The following PZP variants were observed in gnomAD, a reference collection of about 807,000 sequenced individuals.
PZP encodes PZP alpha-2-macroglobulin like.
PZP carries 150 observed loss-of-function variants against 179.8 expected under a neutral mutation model. That is an observed-to-expected ratio of 0.83 (90% confidence interval 0.73 to 0.96). PZP has a LOEUF of 0.96. Among genes scored for constraint, PZP ranks in the 40% least tolerant of loss-of-function variants. The probability of loss-of-function intolerance (pLI) is 0.00; values close to 1 mark genes in which losing one functional copy is unlikely to be tolerated. For synonymous variants in PZP, 624 were observed against 652.3 expected (o/e 0.96, Z 0.66); for missense variants, 1,689 against 1,764.0 (o/e 0.96, Z 0.76).
chr12:9,181,428 T>A (rs1942753009), intron 14 of PZP, among the ~76,000 whole-genome samples: 2 of 152,234 alleles, frequency 1.3e-5, no homozygotes, highest in African/African-American at 4.8e-5. Flanking sequence ...GCTTACCTAC[T>A]CCAGTGATCA....
rs1364694051 is a variant in PZP at position 9,164,189 on chromosome 12, C to T, written c.2558G>A (p.Cys853Tyr). Residue 853 changes from cysteine to tyrosine, a missense_variant, in exon 20 of 36, where the codon TGT (cysteine) becomes TAT (tyrosine). Physicochemically the swap from Cys to Tyr is radical, Grantham distance 194. Around this residue, in one of 3 missense-constraint regions of PZP, gnomAD observed 746 missense variants for 749.2 expected, o/e 1.00. Transcript: ENST00000261336. The part of the protein sequence containing the change: ...SQNTKGEESY[C>Y]ICGNERQTLS... ...GGTTTGTCTCTCATTTCCACAGATACAATAGGATTCTTCTCCCTTTGTATT... is the reference window on the plus strand; with the variant it reads ...GGTTTGTCTCTCATTTCCACAGATATAATAGGATTCTTCTCCCTTTGTATT... The T allele has an allele frequency of 1.2e-6, 2 of 1,609,968 alleles. No homozygotes were observed. Among genetic ancestry groups the T allele is most frequent in the African/African-American group, 2.7e-5 (2 of 74,838 alleles).
chr12:9,177,743 C>T lies in PZP; in HGVS notation c.1839+3240G>A, dbSNP rs79554381. ...ATCATCTGAAATCTTCAGTTATGTT[C>T]ATAGTTTCTTCTCACTTCCACAACA... On this transcript the variant is annotated intron_variant, in intron 15 of 35. Transcript: ENST00000261336. Among the ~76,000 whole-genome samples the T allele has an allele frequency of 1.6e-3, 245 of 152,268 alleles. 1 individual carries two copies. Among genetic ancestry groups the T allele is most frequent in the Non-Finnish European group, 2.5e-3 (173 of 68,006 alleles).
intron 18 of PZP, among the ~76,000 whole-genome samples, chr12:9,165,649 C>T (rs762585715): frequency 1.1e-4 from 17 of 152,228 alleles, no homozygotes; most frequent in African/African-American, 3.1e-4. Flanking sequence ...CCTTAACTTC[C>T]CTTGCTATTG....
chr12:9,174,506 C>T (rs1242873246), intron 15 of PZP, among the ~76,000 whole-genome samples: 3 of 151,956 alleles, frequency 2.0e-5, no homozygotes, highest in Non-Finnish European at 2.9e-5. Flanking sequence ...AAAGTGTATT[C>T]GAATAGGAAG....
At chr12:9,152,431 G>T in intron 31 of PZP, 121 bp from the exon 32 acceptor site, 1 of 734,094 alleles carries the variant, frequency 1.4e-6, no homozygotes. Flanking sequence ...ATTCTACAAA[G>T]GTCTGTGTTC....
At chr12:9,197,539 G>C (rs1175117420) in intron 7 of PZP, among the ~76,000 whole-genome samples, 3 of 119,050 alleles carry the variant, frequency 2.5e-5, no homozygotes, top group African/African-American at 9.9e-5. Flanking sequence ...TTAATTATTA[G>C]AGTACTGATT....
chr12:9,177,910 CAG>C (rs1216994172), intron 15 of PZP, among the ~76,000 whole-genome samples: 1 of 152,162 alleles, frequency 6.6e-6, no homozygotes, highest in Non-Finnish European at 1.5e-5. Flanking sequence ...CTTCCATAAA[CAG>C]AGAGTGTAAA....
At chr12:9,192,394 C>T (rs866072938) in intron 12 of PZP, 118 bp downstream of exon 12, 22 of 1,264,148 alleles carry the variant, frequency 1.7e-5, no homozygotes, top group Middle Eastern at 1.9e-4. Flanking sequence ...GAATGAAGGA[C>T]GCACAACAAG....
intron 10 of PZP, 47 bp from the exon 11 acceptor site, chr12:9,194,285 A>G: frequency 6.4e-7 from 1 of 1,571,828 alleles, no homozygotes; most frequent in East Asian, 2.2e-5. Context: ...ACACCCAGAG[A>G]GGACTGAACT....
chr12:9,154,246 G>C (rs965045549), intron 29 of PZP, among the ~76,000 whole-genome samples: 1 of 152,110 alleles, frequency 6.6e-6, no homozygotes, highest in Non-Finnish European at 1.5e-5. Context: ...GAGAGGCCAG[G>C]GATACTATTG....
intron 15 of PZP, among the ~76,000 whole-genome samples, chr12:9,178,856 GT>G (rs1277097063): frequency 5.9e-5 from 9 of 152,138 alleles, no homozygotes; most frequent in African/African-American, 2.2e-4. Context: ...CCTGAAGAAT[GT>G]TAATTTTGAT....
Position 9,164,180 on chromosome 12 carries a change from C to A in PZP, c.2567G>T (p.Gly856Val), listed in dbSNP as rs765241206. 1.9e-6 allele frequency: 3 copies of A among 1,610,246 alleles called. No homozygotes were observed. The highest frequency in any genetic ancestry group is 8.5e-7 in the Non-Finnish European group (1 of 1,176,476). ...TKGEESYCIC[G>V]NERQTLSWTV... is the part of the protein sequence containing the mutation. ...CCAAGACAAGGTTTGTCTCTCATTT[C>A]CACAGATACAATAGGATTCTTCTCC... is the stretch of plus-strand genomic sequence containing the variant. The change falls in exon 20 of 36, where the codon GGA becomes GTA. Residue 856 changes from glycine to valine, a missense_variant. Transcript: ENST00000261336.
chr12:9,186,756 A>G lies in PZP; in HGVS notation c.1547-4639T>C, dbSNP rs752329109. Among the ~76,000 whole-genome samples, 7 of 151,978 alleles carry G rather than the reference A, an allele frequency of 4.6e-5. No individual in the cohort carries two copies. In the South Asian group the frequency reaches 8.4e-4, roughly 18 times the overall value. ...CTCAGCAAACTAACACAAGAACAGA[A>G]AACCAAACACCACATGTTCTCACTC... is the stretch of plus-strand genomic sequence containing the variant. On this transcript the variant is annotated intron_variant, in intron 13 of 35. Coordinates refer to ENST00000261336, the MANE Select transcript of PZP (RefSeq NM_002864.3).
At chr12:9,165,414 C>T (rs773129142) in intron 18 of PZP, 47 bp from the exon 19 acceptor site, 1 of 1,601,906 alleles carries the variant, frequency 6.2e-7, no homozygotes, top group Admixed American at 1.7e-5. Context: ...ATGTAAGCCA[C>T]CTTTTCTCAA....
chr12:9,174,422 A>G (rs1324806341), intron 15 of PZP, among the ~76,000 whole-genome samples: 1 of 152,156 alleles, frequency 6.6e-6, no homozygotes, highest in East Asian at 1.9e-4. Flanking sequence ...AAGACAGGGA[A>G]GCCCTCTCTC....
At chr12:9,181,169 C>T (rs1210171369) in intron 14 of PZP, 37 bp from the exon 15 acceptor site, 1 of 1,613,360 alleles carries the variant, frequency 6.2e-7, no homozygotes, top group Admixed American at 1.7e-5. Context: ...CAGTGTTTTC[C>T]CTACTTCTGT....
At chr12:9,168,735 G>A (rs1430536215) in intron 17 of PZP, 134 bp downstream of exon 17, 1 of 709,176 alleles carries the variant, frequency 1.4e-6, no homozygotes, top group Non-Finnish European at 2.3e-6. Context: ...ACCTCAGCAA[G>A]AAACAATTAA....
intron 28 of PZP, among the ~76,000 whole-genome samples, chr12:9,155,530 G>A (rs756987529): frequency 2.6e-5 from 4 of 152,058 alleles, no homozygotes; most frequent in Non-Finnish European, 4.4e-5. Flanking sequence ...TCCATACTCA[G>A]AAATAGTTTC....
Position 9,203,852 on chromosome 12 carries a change from A to G in PZP, c.183T>C (p.Ala61=). 1 of 1,614,150 alleles carries G rather than the reference A, an allele frequency of 6.2e-7. No individual in the cohort carries two copies. The highest frequency in any genetic ancestry group is 8.5e-7 in the Non-Finnish European group (1 of 1,180,004). The change falls in exon 2 of 36, where the codon GCT becomes GCC. Residue 61 remains alanine (A), a synonymous_variant. Transcript: ENST00000261336. ...SHLNETVTVS[A]SLESGRENRS... The stretch of plus-strand genomic sequence containing the variant: ...TGTTTTCCCTGCCAGACTCCAAGGA[A>G]GCACTTACAGTCACTGTCTCATTCA...
Sources: gnomAD v4.1 joint callset for allele counts (sites outside exome capture counted in the v4.1 genomes callset) on GRCh38, gnomAD v4.1.1 for gene constraint, gnomAD v4.1.1 regional missense constraint, MANE v1.5 for transcripts, NCBI Gene and HGNC (gene_info 2026-07-23, HGNC 2026-07-21) for gene names.